The following KALRN variants were observed in gnomAD, a reference collection of about 807,000 sequenced individuals.
KALRN encodes kalirin RhoGEF kinase, also known as kalirin.
Under a neutral mutation model 353.7 loss-of-function variants are expected in KALRN, and 70 were observed. That is an observed-to-expected ratio of 0.20 (90% CI 0.16 to 0.24). The LOEUF (loss-of-function observed/expected upper bound fraction) is 0.24. KALRN is among the 10% of genes least tolerant of loss of function. The pLI is 1.00. For synonymous variants in KALRN, 1,391 were observed against 1,434.8 expected (o/e 0.97, Z 0.69); for missense variants, 2,791 against 3,756.7 (o/e 0.74, Z 6.72).
At chr3:124,416,658 G>A (rs984374643) in intron 14 of KALRN, among the ~76,000 whole-genome samples, 30 of 152,238 alleles carry the variant, frequency 2.0e-4, no homozygotes, top group Non-Finnish European at 4.3e-4. Context: ...GGAAATGGAG[G>A]GTAGATTCAC....
intron 34 of KALRN, chr3:124,584,951 G>A: frequency 6.4e-7 from 1 of 1,561,986 alleles, no homozygotes; most frequent in South Asian, 1.2e-5. Context: ...TAGCCAGACT[G>A]GTCGCGCTCA....
At chr3:124,116,077 G>T (rs1027097322) in intron 1 of KALRN, among the ~76,000 whole-genome samples, 36 of 152,182 alleles carry the variant, frequency 2.4e-4, no homozygotes, top group Admixed American at 1.8e-3. Context: ...GTATGGTACT[G>T]CTGGCTTAGT....
chr3:124,139,823 A>AG (rs2066404932), intron 1 of KALRN, among the ~76,000 whole-genome samples: 1 of 152,220 alleles, frequency 6.6e-6, no homozygotes, highest in East Asian at 1.9e-4. Context: ...GTGAGCAACA[A>AG]GGGGGGATTT....
chr3:124,171,240 T>C (rs2071775429), intron 1 of KALRN, among the ~76,000 whole-genome samples: 1 of 152,210 alleles, frequency 6.6e-6, no homozygotes, highest in South Asian at 2.1e-4. Flanking sequence ...CTGGCTTAGC[T>C]ACTTGGGTTG....
intron 5 of KALRN, among the ~76,000 whole-genome samples, chr3:124,280,329 C>T (rs568837653): frequency 2.1e-4 from 32 of 152,288 alleles, no homozygotes; most frequent in Non-Finnish European, 4.1e-4. Flanking sequence ...AGAATCTACC[C>T]TCCTGTAGTT....
rs548774597 is a variant in KALRN, at chr3:124,642,322, GAT to G, written c.5664+5021_5664+5022del. Among the ~76,000 whole-genome samples, 69 of 146,574 alleles carry G rather than the reference GAT, an allele frequency of 4.7e-4. 1 individual carries two copies. The South Asian group carries it at 0.014, about 30-fold the overall frequency. ...AAATTAAAAGAGAGAGAGAGAGAGA[GAT>G]AGAAAAGAAAAGAAAGCCCCTTTCT... On this transcript the variant is annotated intron_variant, in intron 37 of 59. Coordinates refer to ENST00000682506, the MANE Select transcript of KALRN (RefSeq NM_001388419.1).
chr3:124,108,195 C>A (rs1158358794), intron 1 of KALRN, among the ~76,000 whole-genome samples: 1 of 152,124 alleles, frequency 6.6e-6, no homozygotes, highest in Non-Finnish European at 1.5e-5. Context: ...ATACTCTGCC[C>A]TGGGGGTAGT....
chr3:124,512,495 CA>C (rs1367594426), intron 33 of KALRN, among the ~76,000 whole-genome samples: 1 of 151,860 alleles, frequency 6.6e-6, no homozygotes, highest in Non-Finnish European at 1.5e-5. Flanking sequence ...ACTGAAAATA[CA>C]AAAAATTAGC....
At chr3:124,696,009 C>A in intron 53 of KALRN, 125 bp from the exon 54 acceptor site, 1 of 932,182 alleles carries the variant, frequency 1.1e-6, no homozygotes, top group Non-Finnish European at 1.6e-6. Flanking sequence ...GCTCACAGAC[C>A]AGGGACTGAC....
At position 124,289,466 on chromosome 3, in the gene KALRN, ATC is replaced by A. The variant is rs1266299349; in HGVS notation, c.970-9319_970-9318del. 1.6e-4 allele frequency among the ~76,000 whole-genome samples: 25 copies of A among 152,168 alleles called. No individual in the cohort carries two copies. The East Asian group carries it at 3.9e-3, about 24-fold the overall frequency. On this transcript the variant is annotated intron_variant, in intron 5 of 59. Transcript: ENST00000682506. Reference sequence around the variant, plus strand: ...TGTGTGACCATGACCAAGTTACTTAATCTCTCTGAATCTGTTTCTCTACCTAA... The same window carrying A: ...TGTGTGACCATGACCAAGTTACTTAATCTCTGAATCTGTTTCTCTACCTAA...
At chr3:124,107,112 A>T (rs1271744988) in intron 1 of KALRN, among the ~76,000 whole-genome samples, 2 of 152,180 alleles carry the variant, frequency 1.3e-5, no homozygotes, top group Non-Finnish European at 2.9e-5. Context: ...AATAATTGGC[A>T]TGGGGCTTTT....
chr3:124,525,730 C>G (rs948378568), intron 33 of KALRN, among the ~76,000 whole-genome samples: 2 of 152,196 alleles, frequency 1.3e-5, no homozygotes, highest in African/African-American at 2.4e-5. Flanking sequence ...TCAGACTTTC[C>G]TGTGTTCTCG....
At chr3:124,194,432 C>T (rs924154716) in intron 1 of KALRN, among the ~76,000 whole-genome samples, 4 of 151,766 alleles carry the variant, frequency 2.6e-5, no homozygotes, top group Admixed American at 6.6e-5. Flanking sequence ...AGACAAGTTA[C>T]GAGCCTCCCG....
chr3:124,328,712 AC>A (rs1181519409), intron 7 of KALRN, among the ~76,000 whole-genome samples: 4 of 152,244 alleles, frequency 2.6e-5, no homozygotes, highest in African/African-American at 4.8e-5. Context: ...GACAGTGACA[AC>A]AAAACTAGAA....
chr3:124,643,255 C>A (rs989361106), intron 37 of KALRN, among the ~76,000 whole-genome samples: 7 of 152,166 alleles, frequency 4.6e-5, no homozygotes, highest in Admixed American at 6.5e-5. Flanking sequence ...TCAAGCAATT[C>A]TCCTGCAATG....
chr3:124,249,509 T>C (rs1460830954), intron 3 of KALRN, among the ~76,000 whole-genome samples: 1 of 152,080 alleles, frequency 6.6e-6, no homozygotes, highest in Non-Finnish European at 1.5e-5. Context: ...TCTAAAGGGG[T>C]CCAGTCATGG....
chr3:124,260,368 G>A (rs1175160269), intron 3 of KALRN, among the ~76,000 whole-genome samples: 1 of 152,174 alleles, frequency 6.6e-6, no homozygotes, highest in Non-Finnish European at 1.5e-5. Context: ...TGCTCTGCCT[G>A]CCTTCTCTCT....
chr3:124,339,845 G>A (rs200426231), intron 9 of KALRN, among the ~76,000 whole-genome samples: 8 of 152,224 alleles, frequency 5.3e-5, no homozygotes, highest in South Asian at 4.2e-4. Context: ...GTTTTACCCC[G>A]TGGATCAAAT....
At chr3:124,182,065 G>T (rs192681353) in intron 1 of KALRN, among the ~76,000 whole-genome samples, 8 of 152,234 alleles carry the variant, frequency 5.3e-5, no homozygotes, top group Admixed American at 1.3e-4. Flanking sequence ...TTATCCGAAG[G>T]GAATTAAATA....
Sources: allele counts gnomAD v4.1 joint callset (sites outside exome capture counted in the v4.1 genomes callset), GRCh38; gene constraint gnomAD v4.1.1; transcripts MANE v1.5; gene names NCBI Gene and HGNC (gene_info 2026-07-23, HGNC 2026-07-21).